Variants in ANKRD26 observed in about 807,000 individuals in gnomAD.
ANKRD26 encodes the protein ankyrin repeat domain-containing protein 26.
ANKRD26 carries 141 observed loss-of-function variants against 208.7 expected under a neutral mutation model. The ratio of observed to expected loss-of-function variants is 0.68; its 90% CI spans 0.59 to 0.78. The LOEUF (loss-of-function observed/expected upper bound fraction) is 0.78, where lower values mean the gene tolerates loss of function less well. Ranked by LOEUF, ANKRD26 falls within the 30% of genes least tolerant of loss-of-function variation. The pLI is 0.00. For synonymous variants in ANKRD26, 636 were observed against 660.4 expected (o/e 0.96, Z 0.57); for missense variants, 1,889 against 1,938.7 (o/e 0.97, Z 0.48).
chr10:26,988,906 C>T (rs2052437660), downstream of ANKRD26, among the ~76,000 whole-genome samples: 1 of 151,172 alleles, frequency 6.6e-6, no homozygotes, highest in South Asian at 2.1e-4. Flanking sequence ...TGTATCTTCT[C>T]CTGTTCGTTT....
At chr10:26,972,150 G>A (rs1564324736), downstream of ANKRD26, among the ~76,000 whole-genome samples, 2 of 151,674 alleles carry the variant, frequency 1.3e-5, no homozygotes, top group Non-Finnish European at 2.9e-5. Context: ...CAGGAGAATG[G>A]CGTGATCCCG....
At position 27,014,645 on chromosome 10, in the gene ANKRD26, G is replaced by C; in HGVS notation, c.4573C>G (p.Gln1525Glu). ...AGATCTTTAATTCTGAGTTCCATCT[G>C]ACTTTTCATTGAAGCAAAATTATTC... ...RENNFASMKS[Q>E]MELRIKDLES... Residue 1525 changes from glutamine (Q) to glutamate (E), a missense_variant, in exon 31 of 34, where the codon CAG (glutamine) becomes GAG (glutamate). Physicochemically the swap from Gln to Glu is conservative, Grantham distance 29. This residue lies in a region of ANKRD26 where 613 missense variants were observed against 648.2 expected (regional missense o/e 0.95). Coordinates refer to ENST00000376087, the MANE Select transcript of ANKRD26 (RefSeq NM_014915.3). 6.2e-7 allele frequency: 1 copy of C among 1,613,092 alleles called. No individual in the cohort carries two copies. The highest frequency in any genetic ancestry group is 1.3e-5 in the African/African-American group (1 of 74,984).
intron 1 of ANKRD26, among the ~76,000 whole-genome samples, chr10:27,097,718 C>A: frequency 6.6e-6 from 1 of 152,056 alleles, no homozygotes; most frequent in Non-Finnish European, 1.5e-5. Context: ...GGTGCAATCT[C>A]AGCTCACTGT....
downstream of ANKRD26, among the ~76,000 whole-genome samples, chr10:26,972,103 C>T (rs532174026): frequency 7.1e-3 from 1,075 of 151,908 alleles, 3 homozygotes; most frequent in Non-Finnish European, 0.011. Flanking sequence ...GGCGTGGTGG[C>T]GGGCGCCTGT....
At chr10:27,018,241 T>C (rs2053370532) in intron 29 of ANKRD26, among the ~76,000 whole-genome samples, 1 of 151,158 alleles carries the variant, frequency 6.6e-6, no homozygotes, top group South Asian at 2.1e-4. Context: ...TTCATGCCAT[T>C]CTCCTGCCTC....
chr10:26,952,761 A>G, the ANKRD26 span, among the ~76,000 whole-genome samples: 1 of 152,234 alleles, frequency 6.6e-6, no homozygotes, highest in Admixed American at 6.5e-5. Context: ...GTAACCTACC[A>G]ATTGGACATA....
intron 1 of ANKRD26, among the ~76,000 whole-genome samples, chr10:27,095,306 G>C (rs991318671): frequency 1.3e-5 from 2 of 152,118 alleles, no homozygotes; most frequent in African/African-American, 4.8e-5. Context: ...TCGTGTTTAA[G>C]ACATAAATTT....
At chr10:26,987,526 T>G (rs1024041711), downstream of ANKRD26, among the ~76,000 whole-genome samples, 1 of 152,164 alleles carries the variant, frequency 6.6e-6, no homozygotes, top group African/African-American at 2.4e-5. Flanking sequence ...TTCCACCCTC[T>G]CCTCTTAAAT....
intron 4 of ANKRD26, among the ~76,000 whole-genome samples, chr10:27,091,250 T>C (rs528841780): frequency 6.6e-5 from 10 of 152,290 alleles, no homozygotes; most frequent in African/African-American, 2.4e-4. Context: ...CCTTTTTATA[T>C]CAGAAAACAT....
At chr10:27,006,459 G>A (rs1238770276) in intron 33 of ANKRD26, among the ~76,000 whole-genome samples, 1 of 152,190 alleles carries the variant, frequency 6.6e-6, no homozygotes, top group African/African-American at 2.4e-5. Context: ...GTAAATGACT[G>A]GAGATTTCAA....
At chr10:27,099,959 A>G (rs2056593589) in intron 1 of ANKRD26, 126 bp downstream of exon 1, 4 of 1,486,940 alleles carry the variant, frequency 2.7e-6, no homozygotes, top group South Asian at 2.3e-5. Context: ...GCAAGGTGTC[A>G]CCGTCCCAGG....
chr10:27,048,728 T>C, intron 17 of ANKRD26, 73 bp downstream of exon 17: 2 of 1,460,568 alleles, frequency 1.4e-6, no homozygotes, highest in South Asian at 1.2e-5. Context: ...TTATTAATCA[T>C]GAATATTAGT....
At chr10:27,041,149 T>G (rs1345062369) in intron 20 of ANKRD26, among the ~76,000 whole-genome samples, 5 of 151,808 alleles carry the variant, frequency 3.3e-5, no homozygotes, top group African/African-American at 1.2e-4. Context: ...AAAACTGACA[T>G]AAAGTCCAGC....
intron 31 of ANKRD26, among the ~76,000 whole-genome samples, chr10:27,014,246 A>G (rs918980445): frequency 1.3e-5 from 2 of 152,138 alleles, no homozygotes. Context: ...GCTGAAAGAC[A>G]TAGATCCAGT....
intron 25 of ANKRD26, among the ~76,000 whole-genome samples, chr10:27,031,241 T>C (rs2053856033): frequency 6.6e-6 from 1 of 152,194 alleles, no homozygotes; most frequent in Non-Finnish European, 1.5e-5. Context: ...GTCTTATAAA[T>C]GAATGTTCAT....
intron 5 of ANKRD26, among the ~76,000 whole-genome samples, chr10:27,084,039 C>T (rs575344900): frequency 6.6e-6 from 1 of 151,704 alleles, no homozygotes; most frequent in South Asian, 2.1e-4. Flanking sequence ...ATGGAGAAAC[C>T]CCGTCTCTAC....
chr10:27,005,672 T>A lies in ANKRD26; in HGVS notation c.5051A>T (p.Asp1684Val), dbSNP rs772007481. Residue 1684 changes from aspartate to valine, a missense_variant, in exon 34 of 34, where the codon GAT becomes GTT. Asp to Val is a radical substitution (Grantham distance 152). Coordinates refer to ENST00000376087, the MANE Select transcript of ANKRD26 (RefSeq NM_014915.3). ...TAGATCTTGATTTAGATTTGACTCA[T>A]CAGTAGACCCTAGAGGGGAAGCTAT... Reference protein sequence around the residue: ...GSIASPLGSTDESNLNQDLVW... With the variant: ...GSIASPLGSTVESNLNQDLVW... 6.2e-7 allele frequency: 1 copy of A among 1,612,930 alleles called. No individual in the cohort carries two copies. Among genetic ancestry groups the A allele is most frequent in the Admixed American group, 1.7e-5 (1 of 59,960 alleles).
intron 33 of ANKRD26, among the ~76,000 whole-genome samples, chr10:27,006,636 G>A (rs1328572329): frequency 6.6e-6 from 1 of 152,112 alleles, no homozygotes; most frequent in Non-Finnish European, 1.5e-5. Flanking sequence ...TATGGGGATG[G>A]CAGAAGTGAA....
intron 11 of ANKRD26, among the ~76,000 whole-genome samples, chr10:27,065,859 CTTTT>C (rs767106612): frequency 2.1e-3 from 153 of 72,960 alleles, no homozygotes; most frequent in African/African-American, 7.7e-3. Context: ...ATAATTCTTT[CTTTT>C]TTTTTTTTTT....
Sources: gnomAD v4.1 joint callset for allele counts (sites outside exome capture counted in the v4.1 genomes callset) on GRCh38, gnomAD v4.1.1 for gene constraint, gnomAD v4.1.1 regional missense constraint, MANE v1.5 for transcripts, NCBI Gene and HGNC (gene_info 2026-07-23, HGNC 2026-07-21) for gene names.